The following CAPN2 variants were observed in gnomAD, a reference collection of about 807,000 sequenced individuals.
CAPN2 encodes calpain-2 catalytic subunit.
In CAPN2, 92 loss-of-function variants were observed where a neutral mutation model predicts 102.3. That is an observed-to-expected ratio of 0.90 (90% CI 0.76 to 1.07). The LOEUF is 1.07. CAPN2 is among the 50% of genes least tolerant of loss of function. The pLI is 0.00. For synonymous variants in CAPN2, 340 were observed against 355.4 expected (o/e 0.96, Z 0.49); for missense variants, 800 against 909.4 (o/e 0.88, Z 1.55).
chr1:223,752,511 G>A (rs1319756568), intron 8 of CAPN2, among the ~76,000 whole-genome samples: 1 of 152,054 alleles, frequency 6.6e-6, no homozygotes, highest in Admixed American at 6.6e-5. Context: ...TATCAAATGG[G>A]GCCCATATAT....
At chr1:223,717,174 T>C (rs546307506) in intron 1 of CAPN2, among the ~76,000 whole-genome samples, 1 of 152,178 alleles carries the variant, frequency 6.6e-6, no homozygotes, top group South Asian at 2.1e-4. Flanking sequence ...CAAAAGGGTA[T>C]GTGTTAGGAA....
intron 2 of CAPN2, among the ~76,000 whole-genome samples, chr1:223,735,398 G>C (rs921658844): frequency 5.3e-5 from 8 of 151,890 alleles, no homozygotes; most frequent in African/African-American, 1.9e-4. Context: ...CATGGTGGTG[G>C]GCGCCTGTAA....
chr1:223,743,016 C>T (rs1660662252), intron 2 of CAPN2, among the ~76,000 whole-genome samples: 1 of 152,204 alleles, frequency 6.6e-6, no homozygotes, highest in Non-Finnish European at 1.5e-5. Flanking sequence ...AAGATGACCC[C>T]TCCCTGCAAA....
At chr1:223,762,106 G>A in intron 13 of CAPN2, 80 bp from the exon 14 acceptor site, 1 of 1,222,754 alleles carries the variant, frequency 8.2e-7, no homozygotes, top group Non-Finnish European at 1.2e-6. Context: ...AGTGGGAGGT[G>A]GCTGCCATGG....
In CAPN2 at chr1:223,747,056, T is replaced by G. The variant is rs1357348063; in HGVS notation, c.620T>G (p.Phe207Cys). ...GGATTEGFED[F>C]TGGIAEWYEL... ...GCCACCACTGAGGGCTTCGAAGACT[T>G]CACCGGAGGCATTGCTGAGTGGTAT... The change falls in exon 5 of 21, where the codon TTC becomes TGC. Residue 207 changes from phenylalanine to cysteine, a missense_variant. Physicochemically the swap from Phe to Cys is radical, Grantham distance 205 (BLOSUM62 -2). Coordinates refer to ENST00000295006, the MANE Select transcript of CAPN2 (RefSeq NM_001748.5). The G allele has an allele frequency of 6.2e-7, 1 of 1,614,098 alleles. No individual in the cohort carries two copies. Among genetic ancestry groups the G allele is most frequent in the Non-Finnish European group, 8.5e-7 (1 of 1,179,980 alleles).
At chr1:223,743,421 T>A (rs1660674273) in intron 2 of CAPN2, among the ~76,000 whole-genome samples, 1 of 152,172 alleles carries the variant, frequency 6.6e-6, no homozygotes, top group South Asian at 2.1e-4. Flanking sequence ...CTAGGAGGCG[T>A]GCAACGTTTG....
chr1:223,747,112 A>G lies in CAPN2; in HGVS notation c.676A>G (p.Lys226Glu), dbSNP rs1037976491. The G allele has an allele frequency of 1.9e-6, 3 of 1,613,872 alleles. No homozygotes were observed. Among genetic ancestry groups the G allele is most frequent in the Non-Finnish European group, 2.5e-6 (3 of 1,179,954 alleles). ...GAAGAAGCCCCCTCCCAACCTGTTC[A>G]AGATCATCCAGAAAGCTCTGCAAAA... ...ELKKPPPNLF[K>E]IIQKALQKGS... The change falls in exon 5 of 21, where the codon AAG (lysine) becomes GAG (glutamate). Residue 226 changes from lysine (K) to glutamate (E), a missense_variant. Coordinates refer to ENST00000295006, the MANE Select transcript of CAPN2 (RefSeq NM_001748.5).
chr1:223,737,486 A>T (rs1660484949), intron 2 of CAPN2, among the ~76,000 whole-genome samples: 1 of 152,064 alleles, frequency 6.6e-6, no homozygotes, highest in African/African-American at 2.4e-5. Flanking sequence ...CGTCTGTCCC[A>T]TGGATGAGCA....
At chr1:223,713,064 G>GA (rs1340351976) in intron 1 of CAPN2, among the ~76,000 whole-genome samples, 187 bp downstream of exon 1, 2 of 152,198 alleles carry the variant, frequency 1.3e-5, no homozygotes, top group Non-Finnish European at 2.9e-5. Context: ...AGCGTGGGGG[G>GA]ACTCCCGGGG....
At position 223,759,545 on chromosome 1, in the gene CAPN2, G is replaced by C; in HGVS notation, c.1529+64G>C. 8.1e-6 allele frequency: 11 copies of C among 1,353,202 alleles called. 1 individual carries two copies. The highest frequency in any genetic ancestry group is 1.0e-5 in the Non-Finnish European group (10 of 959,130). The allele number at this position is 1,353,202 out of a possible 1,614,324, so 83.8% of individuals were successfully genotyped here. ...GTCCCTCCCCACTGGTCTGTTCCTCGGCCCCTAGAGGGCTCTTTCATCCTC... is the reference window on the plus strand; with the variant it reads ...GTCCCTCCCCACTGGTCTGTTCCTCCGCCCCTAGAGGGCTCTTTCATCCTC... On this transcript the variant is annotated intron_variant, in intron 12 of 20. Transcript: ENST00000295006. The surrounding 1 kb of genome is among the most constrained non-coding windows in gnomAD (Gnocchi z 4.6).
At chr1:223,770,140 T>C in intron 17 of CAPN2, 2 of 588,730 alleles carry the variant, frequency 3.4e-6, no homozygotes, top group Non-Finnish European at 6.0e-6. Flanking sequence ...ATTGGGATCA[T>C]CTAAAGGCCA....
At position 223,712,638 on chromosome 1, in the gene CAPN2, A is replaced by G; in HGVS notation, c.-3A>G. ...TGCGCAGTACGGCCGCCGGGACCGC[A>G]GCATGGCGGGCATCGCGGCCAAGCT... On this transcript the variant is annotated 5_prime_UTR_variant, in exon 1 of 21. Transcript: ENST00000295006. 1 of 1,524,254 alleles carries G rather than the reference A, an allele frequency of 6.6e-7. No individual in the cohort carries two copies. Among genetic ancestry groups the G allele is most frequent in the Non-Finnish European group, 8.8e-7 (1 of 1,135,722 alleles). The allele number at this position is 1,524,254 out of a possible 1,614,324, so 94.4% of individuals were successfully genotyped here.
rs150551571 is a variant in CAPN2, at chr1:223,770,462, A to T, written c.1840A>T (p.Ile614Phe). Residue 614 changes from isoleucine (I) to phenylalanine (F), a missense_variant, in exon 18 of 21, where the codon ATC (isoleucine) becomes TTC (phenylalanine). By Grantham distance (21) the Ile-to-Phe change is conservative (BLOSUM62 0). Coordinates refer to ENST00000295006, the MANE Select transcript of CAPN2 (RefSeq NM_001748.5). ...IQKYQKIYREIDVDRSGTMNS... is the reference protein window; with the variant it reads ...IQKYQKIYREFDVDRSGTMNS... ...TGTGTTCCAGAAAATTTACCGAGAA[A>T]TCGACGTTGACAGGTCTGGTACCAT... The T allele has an allele frequency of 2.5e-6, 4 of 1,613,502 alleles. No homozygotes were observed. In the African/African-American group the frequency reaches 5.3e-5, roughly 22 times the overall value.
At chr1:223,723,594 G>T (rs1235654309) in intron 2 of CAPN2, among the ~76,000 whole-genome samples, 1 of 151,982 alleles carries the variant, frequency 6.6e-6, no homozygotes, top group Non-Finnish European at 1.5e-5. Flanking sequence ...ACTCCCAGCT[G>T]CCTTCCCTCT....
intron 14 of CAPN2, among the ~76,000 whole-genome samples, chr1:223,763,568 C>T (rs780462532): frequency 1.3e-5 from 2 of 152,192 alleles, no homozygotes; most frequent in Non-Finnish European, 2.9e-5. Flanking sequence ...AGAGGAGGGC[C>T]GGCTAGGTCT....
intron 1 of CAPN2, among the ~76,000 whole-genome samples, chr1:223,714,301 G>GTATT (rs775353269): frequency 2.6e-5 from 4 of 152,176 alleles, no homozygotes; most frequent in Non-Finnish European, 5.9e-5. Context: ...GCCTTTCACA[G>GTATT]TATTCATTCA....
intron 11 of CAPN2, chr1:223,758,689 C>CCTTTTTTTTTTTTTTTTTTTTTTTT (rs745986128): frequency 6.8e-6 from 1 of 146,728 alleles, no homozygotes; most frequent in African/African-American, 2.7e-5. Flanking sequence ...AGAAAGTTTG[C>CCTTTTTTTTTTTTTTTTTTTTTTTT]TTTTTGTTTT....
intron 16 of CAPN2, among the ~76,000 whole-genome samples, chr1:223,767,514 T>G (rs1466245580): frequency 6.6e-6 from 1 of 151,078 alleles, no homozygotes; most frequent in Non-Finnish European, 1.5e-5. Context: ...ACAAAGGACA[T>G]GAACTCATCA....
chr1:223,719,949 C>T (rs1051393380), intron 2 of CAPN2, among the ~76,000 whole-genome samples: 1 of 152,216 alleles, frequency 6.6e-6, no homozygotes, highest in Non-Finnish European at 1.5e-5. Flanking sequence ...CACCCTGATT[C>T]TGGCACCTGG....
Sources: gnomAD v4.1 joint callset for allele counts (sites outside exome capture counted in the v4.1 genomes callset) on GRCh38, gnomAD v4.1.1 for gene constraint, Gnocchi (gnomAD v3.1) non-coding constraint, MANE v1.5 for transcripts, NCBI Gene and HGNC (gene_info 2026-07-23, HGNC 2026-07-21) for gene names.